Variants in ZNF407 observed in about 807,000 individuals in gnomAD.
ZNF407 encodes zinc finger protein 407.
Under a neutral mutation model 131.2 loss-of-function variants are expected in ZNF407, and 17 were observed. That is an observed-to-expected ratio of 0.13 (90% CI 0.09 to 0.19). The LOEUF (loss-of-function observed/expected upper bound fraction) is 0.19. Ranked by LOEUF, ZNF407 falls within the 10% of genes least tolerant of loss-of-function variation. ZNF407 has a pLI of 1.00. For synonymous variants in ZNF407, 1,156 were observed against 1,062.0 expected (o/e 1.09, Z -1.72); for missense variants, 2,681 against 2,830.6 (o/e 0.95, Z 1.20).
Position 74,920,496 on chromosome 18 carries a change from T to C in ZNF407, c.5250-18T>C, listed in dbSNP as rs746709408. ...GGTTTGACCTTAATTAGATTTACTT[T>C]TCTGTCTTACTTGGTAGGTCAAACT... is the stretch of plus-strand genomic sequence containing the variant. On this transcript the variant is annotated intron_variant, in intron 7 of 8. Coordinates refer to ENST00000299687, the MANE Select transcript of ZNF407 (RefSeq NM_017757.3). 9 of 1,556,586 alleles carry C rather than the reference T, an allele frequency of 5.8e-6. No individual in the cohort carries two copies. In the African/African-American group the frequency reaches 8.2e-5, roughly 14 times the overall value.
At chr18:74,966,599 A>T (rs1180403107) in intron 8 of ZNF407, among the ~76,000 whole-genome samples, 4 of 152,086 alleles carry the variant, frequency 2.6e-5, no homozygotes, top group African/African-American at 9.7e-5. Context: ...AGGTAATGTG[A>T]TTCCTCCAGT....
At chr18:74,617,484 A>T (rs936394832) in intron 1 of ZNF407, among the ~76,000 whole-genome samples, 1 of 152,216 alleles carries the variant, frequency 6.6e-6, no homozygotes, top group Non-Finnish European at 1.5e-5. Flanking sequence ...CTTTCTTTAT[A>T]TACTTTTATA....
intron 8 of ZNF407, among the ~76,000 whole-genome samples, chr18:74,921,628 A>C (rs906018087): frequency 1.3e-5 from 2 of 152,232 alleles, no homozygotes; most frequent in African/African-American, 4.8e-5. Context: ...TCTGCATGAT[A>C]GTACCTACTA....
At chr18:74,618,135 C>A in intron 1 of ZNF407, among the ~76,000 whole-genome samples, 1 of 152,242 alleles carries the variant, frequency 6.6e-6, no homozygotes, top group South Asian at 2.1e-4. Context: ...GAGATTTGGT[C>A]AGGGGAAGCC....
At chr18:74,654,113 A>T (rs1985347503) in intron 3 of ZNF407, among the ~76,000 whole-genome samples, 1 of 151,858 alleles carries the variant, frequency 6.6e-6, no homozygotes, top group Non-Finnish European at 1.5e-5. Flanking sequence ...GATCATTTCT[A>T]CTAAAAAAGA....
chr18:75,002,804 C>CAAAAA (rs11337117), intron 8 of ZNF407, among the ~76,000 whole-genome samples: 2 of 109,944 alleles, frequency 1.8e-5, no homozygotes, highest in Non-Finnish European at 3.9e-5. Context: ...GACTCCGGCT[C>CAAAAA]AAAAAAAAAA....
intron 3 of ZNF407, among the ~76,000 whole-genome samples, chr18:74,710,187 A>G (rs1274858804): frequency 2.0e-5 from 3 of 152,316 alleles, no homozygotes; most frequent in Admixed American, 1.3e-4. Flanking sequence ...ATTTTTGCAC[A>G]TTACCTCTGT....
At chr18:74,945,818 A>G (rs1319135069) in intron 8 of ZNF407, among the ~76,000 whole-genome samples, 1 of 152,124 alleles carries the variant, frequency 6.6e-6, no homozygotes, top group Non-Finnish European at 1.5e-5. Context: ...AGTCTTTCTT[A>G]AGGAACGTTT....
chr18:74,863,334 A>C (rs1029214548), intron 4 of ZNF407, among the ~76,000 whole-genome samples: 1 of 151,882 alleles, frequency 6.6e-6, no homozygotes, highest in East Asian at 1.9e-4. Flanking sequence ...AATAAATATC[A>C]GTAATTAATA....
In ZNF407 at chr18:74,954,040, C is replaced by T. The variant is rs144963227; in HGVS notation, c.5428+33348C>T. On this transcript the variant is annotated intron_variant, in intron 8 of 8. Coordinates refer to ENST00000299687, the MANE Select transcript of ZNF407 (RefSeq NM_017757.3). ...TACATACCCACATAAATGTATTTTA[C>T]ACATATTTTAGTCATTGTGGTACCT... Among the ~76,000 whole-genome samples the T allele has an allele frequency of 2.7e-3, 417 of 152,350 alleles. 2 individuals are homozygous for T. Among genetic ancestry groups the T allele is most frequent in the African/African-American group, 9.2e-3 (382 of 41,576 alleles).
intron 3 of ZNF407, among the ~76,000 whole-genome samples, chr18:74,680,199 T>C (rs1966948779): frequency 6.6e-6 from 1 of 152,072 alleles, no homozygotes; most frequent in African/African-American, 2.4e-5. Flanking sequence ...AAGACCAGCC[T>C]GGGCAACATG....
intron 6 of ZNF407, among the ~76,000 whole-genome samples, chr18:74,887,236 A>C (rs1321207511): frequency 6.6e-6 from 1 of 152,104 alleles, no homozygotes; most frequent in Admixed American, 6.5e-5. Context: ...CATAAAAGTA[A>C]ATTTTTGTGT....
chr18:74,863,933 C>G (rs1970973804), intron 4 of ZNF407, among the ~76,000 whole-genome samples: 1 of 152,038 alleles, frequency 6.6e-6, no homozygotes, highest in South Asian at 2.1e-4. Flanking sequence ...ATGTTATTTT[C>G]TTATTTTTGT....
intron 4 of ZNF407, among the ~76,000 whole-genome samples, chr18:74,868,704 G>C (rs1306290494): frequency 6.6e-6 from 1 of 152,124 alleles, no homozygotes; most frequent in African/African-American, 2.4e-5. Context: ...CACACCACTT[G>C]GCTCTGTCCT....
Position 74,641,107 on chromosome 18 carries a change from A to C in ZNF407, c.4787A>C (p.Lys1596Thr). ...AGGCACCTTGGGATGAGGGAATACAAGTGTCATGTCTGTGGGTGAGTAAAT... is the reference window on the plus strand; with the variant it reads ...AGGCACCTTGGGATGAGGGAATACACGTGTCATGTCTGTGGGTGAGTAAAT... ...VKRHLGMREY[K>T]CHVCGVAFVM... is the part of the protein sequence containing the mutation. The change falls in exon 3 of 9, where the codon AAG (lysine) becomes ACG (threonine). Residue 1596 changes from lysine (K) to threonine (T), a missense_variant. Coordinates refer to ENST00000299687, the MANE Select transcript of ZNF407 (RefSeq NM_017757.3). 6.2e-7 allele frequency: 1 copy of C among 1,613,106 alleles called. No individual in the cohort carries two copies. Among genetic ancestry groups the C allele is most frequent in the Non-Finnish European group, 8.5e-7 (1 of 1,179,202 alleles).
chr18:74,950,758 T>A (rs1018360368), intron 8 of ZNF407, among the ~76,000 whole-genome samples: 1 of 152,146 alleles, frequency 6.6e-6, no homozygotes, highest in Non-Finnish European at 1.5e-5. Context: ...CCCAGGGAGG[T>A]CTCCCATTTT....
chr18:74,821,857 C>A (rs1465754086), intron 4 of ZNF407, among the ~76,000 whole-genome samples: 1 of 152,192 alleles, frequency 6.6e-6, no homozygotes, highest in Non-Finnish European at 1.5e-5. Context: ...CTGTCTTCCA[C>A]AATGGTTGAG....
intron 3 of ZNF407, among the ~76,000 whole-genome samples, chr18:74,670,342 G>T (rs892698613): frequency 1.3e-4 from 20 of 152,300 alleles, no homozygotes; most frequent in African/African-American, 4.3e-4. Flanking sequence ...ATGATTTAAT[G>T]TAGCATATAA....
intron 7 of ZNF407, among the ~76,000 whole-genome samples, chr18:74,909,234 T>C (rs1971636984): frequency 1.3e-5 from 2 of 152,072 alleles, no homozygotes; most frequent in South Asian, 4.1e-4. Context: ...TTTAGTCAGA[T>C]GAATTGCTGT....
Sources: gnomAD v4.1 joint callset for allele counts (sites outside exome capture counted in the v4.1 genomes callset) on GRCh38, gnomAD v4.1.1 for gene constraint, MANE v1.5 for transcripts, NCBI Gene and HGNC (gene_info 2026-07-23, HGNC 2026-07-21) for gene names.